E2F6: variants seen among roughly 807,000 people sequenced by gnomAD.
E2F6 encodes transcription factor E2F6.
E2F6 carries 19 observed loss-of-function variants against 31.5 expected under a neutral mutation model. The ratio of observed to expected loss-of-function variants is 0.60; its 90% CI spans 0.42 to 0.89. The LOEUF (loss-of-function observed/expected upper bound fraction) is 0.89. Ranked by LOEUF, E2F6 falls within the 40% of genes least tolerant of loss-of-function variation. The pLI, the probability that E2F6 is intolerant of heterozygous loss-of-function variation, is 0.00. For missense variants in E2F6, 269 were observed against 341.6 expected, an observed-to-expected ratio of 0.79 and a Z score of 1.67; for synonymous variants, 121 against 127.7, an observed-to-expected ratio of 0.95 and a Z score of 0.36.
At chr2:11,460,875 T>A (rs559911917) in intron 1 of E2F6, among the ~76,000 whole-genome samples, 123 of 152,280 alleles carry the variant, frequency 8.1e-4, no homozygotes, top group Non-Finnish European at 1.5e-3. Context: ...ATGGCTACAA[T>A]GTCACCAGGT....
At chr2:11,461,561 C>A (rs1415602255) in intron 1 of E2F6, among the ~76,000 whole-genome samples, 1 of 152,162 alleles carries the variant, frequency 6.6e-6, no homozygotes, top group Non-Finnish European at 1.5e-5. Flanking sequence ...CCACATTAGC[C>A]AGGCTGGTCT....
At chr2:11,447,891 T>G in intron 5 of E2F6, 117 bp from the exon 6 acceptor site, 1 of 1,180,332 alleles carries the variant, frequency 8.5e-7, no homozygotes, top group East Asian at 2.6e-5. Context: ...TGTAGTCACA[T>G]TACAGCACTG....
At chr2:11,451,595 TTAAG>T (rs1671072184) in intron 4 of E2F6, 52 bp downstream of exon 4, 1 of 1,514,038 alleles carries the variant, frequency 6.6e-7, no homozygotes, top group Non-Finnish European at 8.9e-7. Context: ...ACTCTACTAC[TTAAG>T]TAATCTGTTT....
chr2:11,449,853 T>C (rs563604154), intron 5 of E2F6, among the ~76,000 whole-genome samples, 159 bp downstream of exon 5: 1 of 152,356 alleles, frequency 6.6e-6, no homozygotes, highest in African/African-American at 2.4e-5. Context: ...TTGACTTGTG[T>C]TAGTTGAAGC....
chr2:11,451,516 C>A, intron 4 of E2F6, 135 bp downstream of exon 4: 1 of 923,420 alleles, frequency 1.1e-6, no homozygotes, highest in South Asian at 2.1e-5. Context: ...CCACGCCTGG[C>A]TAATTTTGTA....
intron 1 of E2F6, among the ~76,000 whole-genome samples, chr2:11,464,190 G>A (rs1041801300): frequency 2.2e-4 from 34 of 152,106 alleles, no homozygotes; most frequent in African/African-American, 8.0e-4. Flanking sequence ...CCCAGCAGTG[G>A]GTTGGCTGGT....
rs376174275 is a variant in E2F6, at chr2:11,458,244, C to G, written c.109-1011G>C. Reference sequence around the variant, plus strand: ...ATAGGTACTCTAAGAAGAGAATCAACAGCAGTACTAGGGATACACCCAGAC... The same window carrying G: ...ATAGGTACTCTAAGAAGAGAATCAAGAGCAGTACTAGGGATACACCCAGAC... On this transcript the variant is annotated intron_variant, in intron 1 of 6. Coordinates refer to ENST00000381525, the MANE Select transcript of E2F6 (RefSeq NM_198256.4). The G allele has an allele frequency of 2.3e-4, 360 of 1,550,000 alleles. 1 individual carries two copies. The African/African-American group carries it at 4.5e-3, about 19-fold the overall frequency.
At chr2:11,448,627 T>C (rs1670869288) in intron 5 of E2F6, among the ~76,000 whole-genome samples, 1 of 152,212 alleles carries the variant, frequency 6.6e-6, no homozygotes, top group Non-Finnish European at 1.5e-5. Context: ...TGTGCTCAGC[T>C]TCTAGAGTGC....
intron 2 of E2F6, chr2:11,455,424 A>G: frequency 7.8e-7 from 1 of 1,288,728 alleles, no homozygotes; most frequent in Non-Finnish European, 1.0e-6. Flanking sequence ...TCAGGAACAA[A>G]GGTACATATT....
rs554624820 is a variant in E2F6, at chr2:11,445,218, A to G, written c.*1259T>C. ...AATATTTCTTTAAAAGCAATATTCAAACGATACAGGAATCTTGTACGATAG... is the reference window on the plus strand; with the variant it reads ...AATATTTCTTTAAAAGCAATATTCAGACGATACAGGAATCTTGTACGATAG... On this transcript the variant is annotated 3_prime_UTR_variant, in exon 7 of 7. Coordinates refer to ENST00000381525, the MANE Select transcript of E2F6 (RefSeq NM_198256.4). 4.6e-5 allele frequency: 7 copies of G among 152,384 alleles called. No homozygotes were observed. The South Asian group carries it at 1.4e-3, about 32-fold the overall frequency. The allele number at this position is 152,384 out of a possible 1,614,324, so 9.4% of individuals were successfully genotyped here.
In E2F6 at chr2:11,465,873, G is replaced by C. The variant is rs1226089659; in HGVS notation, c.7C>G (p.Gln3Glu). The C allele has an allele frequency of 1.3e-6, 2 of 1,557,510 alleles. No homozygotes were observed. Among genetic ancestry groups the C allele is most frequent in the East Asian group, 2.4e-5 (1 of 41,740 alleles). The change falls in exon 1 of 7, where the codon CAG becomes GAG. Residue 3 changes from glutamine to glutamate, a missense_variant. By Grantham distance (29) the Gln-to-Glu change is conservative. Coordinates refer to ENST00000381525, the MANE Select transcript of E2F6 (RefSeq NM_198256.4). The stretch of plus-strand genomic sequence containing the variant: ...GGTAACTTCCTCGCCGGCCGCTGCT[G>C]ACTCATGCTGCCCGGCCGGGCGTCC... MS[Q>E]QRPARKLPSL... is the part of the protein sequence containing the mutation.
At chr2:11,456,977 T>A (rs1671446171) in intron 2 of E2F6, 8 of 549,660 alleles carry the variant, frequency 1.5e-5, no homozygotes, top group Non-Finnish European at 2.3e-5. Flanking sequence ...CAGACTGTTC[T>A]ATGGAGAATA....
chr2:11,450,239 G>A (rs1211745678), intron 4 of E2F6, 113 bp from the exon 5 acceptor site: 26 of 530,094 alleles, frequency 4.9e-5, no homozygotes, highest in South Asian at 2.2e-4. Flanking sequence ...GTTTTTATGA[G>A]ATACAAGTTC....
At chr2:11,450,986 G>A (rs544751455) in intron 4 of E2F6, among the ~76,000 whole-genome samples, 274 of 151,568 alleles carry the variant, frequency 1.8e-3, no homozygotes, top group African/African-American at 6.4e-3. Context: ...CCACCCCCCA[G>A]CTCCCTGAGA....
chr2:11,460,271 G>A (rs1481551028), intron 1 of E2F6, among the ~76,000 whole-genome samples: 1 of 151,870 alleles, frequency 6.6e-6, no homozygotes, highest in East Asian at 1.9e-4. Context: ...TCCTTCAAGA[G>A]GTCTTTGGAA....
chr2:11,458,467 G>A (rs1671552212), intron 1 of E2F6: 1 of 1,066,438 alleles, frequency 9.4e-7, no homozygotes, highest in Non-Finnish European at 1.4e-6. Flanking sequence ...GTGTGTAAGT[G>A]ACTTGACTTT....
intron 5 of E2F6, among the ~76,000 whole-genome samples, chr2:11,449,473 C>G (rs958331350): frequency 6.6e-6 from 1 of 152,192 alleles, no homozygotes; most frequent in Non-Finnish European, 1.5e-5. Context: ...CCTTCTGATG[C>G]AATTATCTTT....
At chr2:11,450,964 G>A (rs986486222) in intron 4 of E2F6, among the ~76,000 whole-genome samples, 21 of 151,990 alleles carry the variant, frequency 1.4e-4, no homozygotes, top group African/African-American at 5.1e-4. Context: ...CAAAGACAAG[G>A]CTCCCCCAGC....
chr2:11,458,493 T>C (rs552521048), intron 1 of E2F6: 13 of 773,528 alleles, frequency 1.7e-5, no homozygotes, highest in African/African-American at 1.4e-4. Context: ...TGGGAGGGCA[T>C]GCTGGCACCA....
Sources: allele counts gnomAD v4.1 joint callset (sites outside exome capture counted in the v4.1 genomes callset), GRCh38; gene constraint gnomAD v4.1.1; transcripts MANE v1.5; gene names NCBI Gene and HGNC (gene_info 2026-07-23, HGNC 2026-07-21).